The following HEBP1 variants were observed in gnomAD, a reference collection of about 807,000 sequenced individuals.
HEBP1 encodes the protein heme binding protein 1.
HEBP1 carries 13 observed loss-of-function variants against 20.4 expected under a neutral mutation model. The ratio of observed to expected loss-of-function variants is 0.64; its 90% CI spans 0.42 to 1.01. The LOEUF (loss-of-function observed/expected upper bound fraction) is 1.01. Ranked by LOEUF, HEBP1 falls within the 50% of genes least tolerant of loss-of-function variation. The pLI is 0.00. For missense variants in HEBP1, 241 were observed against 247.3 expected (o/e 0.97, Z 0.17); for synonymous variants, 92 against 90.7 (o/e 1.01, Z -0.08).
intron 3 of HEBP1, chr12:12,983,779 G>C (rs915279264): frequency 4.4e-6 from 2 of 455,934 alleles, no homozygotes; most frequent in African/African-American, 4.0e-5. Flanking sequence ...TCACCGACCT[G>C]CCTTTGATAG....
chr12:12,999,029 C>CA (rs907792782), intron 1 of HEBP1, among the ~76,000 whole-genome samples: 17 of 152,226 alleles, frequency 1.1e-4, no homozygotes, highest in African/African-American at 4.1e-4. Context: ...CCTGAGGCCC[C>CA]AGCTCAGGAC....
chr12:12,989,758 AAGATAAAGTTAAAC>A (rs1864195325), intron 1 of HEBP1, among the ~76,000 whole-genome samples: 1 of 67,668 alleles, frequency 1.5e-5, no homozygotes, highest in Non-Finnish European at 4.8e-5. Flanking sequence ...AACAGGTTGG[AAGATAAAGTTAAAC>A]AGGAGATTCA....
At chr12:12,992,506 A>C (rs995025667) in intron 1 of HEBP1, among the ~76,000 whole-genome samples, 1 of 152,020 alleles carries the variant, frequency 6.6e-6, no homozygotes, top group African/African-American at 2.4e-5. Context: ...GCCCGGCCTT[A>C]ATATTGTAAT....
rs369136550 is a variant in HEBP1 at position 12,989,046 on chromosome 12, G to T, written c.217+231C>A. ...CCTGGGAGTGAAGCAGGAACTTGGA[G>T]ATATTGAGCAGGGATGCCTTCAAGT... On this transcript the variant is annotated intron_variant, in intron 2 of 3. Coordinates refer to ENST00000014930, the MANE Select transcript of HEBP1 (RefSeq NM_015987.5). 1.4e-4 allele frequency among the ~76,000 whole-genome samples: 22 copies of T among 152,364 alleles called. No individual in the cohort carries two copies. In the South Asian group the frequency reaches 4.3e-3, roughly 30 times the overall value.
intron 2 of HEBP1, among the ~76,000 whole-genome samples, chr12:12,988,808 C>T (rs1329273784): frequency 6.6e-6 from 1 of 152,136 alleles, no homozygotes; most frequent in East Asian, 1.9e-4. Flanking sequence ...CCTTCATTTG[C>T]CAGACAGGGT....
chr12:12,989,494 T>TA, intron 1 of HEBP1, 79 bp from the exon 2 acceptor site: 3 of 1,461,104 alleles, frequency 2.1e-6, no homozygotes, highest in Non-Finnish European at 2.8e-6. Context: ...AACAGAGGGC[T>TA]AAAAAACTTT....
chr12:12,976,077 C>CAAAA (rs56110606), intron 3 of HEBP1, among the ~76,000 whole-genome samples: 4,377 of 85,082 alleles, frequency 0.051, 87 homozygotes, highest in African/African-American at 0.082. Flanking sequence ...GACCCTGTGT[C>CAAAA]AAAAAAAAAA....
chr12:12,979,284 A>T (rs1169494291), intron 3 of HEBP1: 7 of 152,236 alleles, frequency 4.6e-5, no homozygotes, highest in Non-Finnish European at 1.0e-4. Flanking sequence ...GGCAGACTGA[A>T]ATGCTGGTAA....
Position 12,975,079 on chromosome 12 carries a change from A to T in HEBP1, c.*229T>A, listed in dbSNP as rs1863959040. The T allele has an allele frequency of 5.2e-6, 2 of 386,980 alleles. No homozygotes were observed. The highest frequency in any genetic ancestry group is 2.1e-5 in the African/African-American group (1 of 47,306). The allele number at this position is 386,980 out of a possible 1,614,324, so 24.0% of individuals were successfully genotyped here. A position where few individuals can be genotyped will look rare whatever the true frequency, so the allele number is the denominator to read the frequency against. The stretch of plus-strand genomic sequence containing the variant: ...TCTGGTCTATCGCAGAATTTTCTAC[A>T]TCAATGAGAAGGATGCTGCATATCT... On this transcript the variant is annotated 3_prime_UTR_variant, in exon 4 of 4. Coordinates refer to ENST00000014930, the MANE Select transcript of HEBP1 (RefSeq NM_015987.5).
intron 3 of HEBP1, among the ~76,000 whole-genome samples, chr12:12,978,744 G>C (rs577246392): frequency 6.6e-6 from 1 of 152,254 alleles, no homozygotes; most frequent in East Asian, 1.9e-4. Flanking sequence ...TTCCAGTTAA[G>C]CCTCTGGGTA....
At chr12:12,995,167 C>T (rs768826134) in intron 1 of HEBP1, among the ~76,000 whole-genome samples, 4 of 152,202 alleles carry the variant, frequency 2.6e-5, no homozygotes, top group Non-Finnish European at 5.9e-5. Context: ...TAACAGGCTC[C>T]AACCTAAAAG....
chr12:12,998,160 A>G lies in HEBP1; in HGVS notation c.78+1877T>C, dbSNP rs368085025. Among the ~76,000 whole-genome samples, 27 of 151,844 alleles carry G rather than the reference A, an allele frequency of 1.8e-4. No individual in the cohort carries two copies. The highest frequency in any genetic ancestry group is 6.3e-4 in the African/African-American group (26 of 41,320). ...CACTCCCCTGCTTGCTTTTCTTCAC[A>G]GCACTGATCACTATCTGATCCATGA... On this transcript the variant is annotated intron_variant, in intron 1 of 3. Transcript: ENST00000014930. This position sits in a 1 kb window ranked among gnomAD's most constrained non-coding sequence, Gnocchi z 4.2.
At chr12:12,989,195 TC>T in intron 2 of HEBP1, 81 bp downstream of exon 2, 1 of 1,482,564 alleles carries the variant, frequency 6.7e-7, no homozygotes, top group South Asian at 1.2e-5. Context: ...TTGTAGCCCC[TC>T]ACTTGCATTT....
intron 1 of HEBP1, among the ~76,000 whole-genome samples, chr12:12,992,841 A>G (rs1864241503): frequency 6.6e-6 from 1 of 152,234 alleles, no homozygotes; most frequent in African/African-American, 2.4e-5. Flanking sequence ...TGTGAATCAC[A>G]GAAGTTCAGA....
chr12:12,985,010 C>T (rs1393567747), intron 3 of HEBP1, among the ~76,000 whole-genome samples: 2 of 151,670 alleles, frequency 1.3e-5, no homozygotes, highest in Non-Finnish European at 2.9e-5. Context: ...ATATTAGGCA[C>T]AGTGGCAGGT....
intron 3 of HEBP1, among the ~76,000 whole-genome samples, chr12:12,982,258 AG>A (rs766774509): frequency 2.0e-5 from 3 of 152,232 alleles, no homozygotes; most frequent in Non-Finnish European, 4.4e-5. Context: ...TTATAAGTGA[AG>A]CAAAGCAAAA....
At chr12:12,982,687 T>C (rs1291496930) in intron 3 of HEBP1, among the ~76,000 whole-genome samples, 3 of 152,172 alleles carry the variant, frequency 2.0e-5, no homozygotes, top group Non-Finnish European at 4.4e-5. Context: ...TCTTATTTTA[T>C]AGATGAGAAA....
At chr12:12,989,520 C>T in intron 1 of HEBP1, 105 bp from the exon 2 acceptor site, 1 of 1,051,096 alleles carries the variant, frequency 9.5e-7, no homozygotes, top group Non-Finnish European at 1.4e-6. Flanking sequence ...GTGGGTATGG[C>T]CATAGAGCAG....
At chr12:12,983,900 A>G in intron 3 of HEBP1, 1 of 389,504 alleles carries the variant, frequency 2.6e-6, no homozygotes, top group Non-Finnish European at 5.1e-6. Context: ...TCATTATACC[A>G]GCAAGCCAGG....
Sources: gnomAD v4.1 joint callset for allele counts (sites outside exome capture counted in the v4.1 genomes callset) on GRCh38, gnomAD v4.1.1 for gene constraint, Gnocchi (gnomAD v3.1) non-coding constraint, MANE v1.5 for transcripts, NCBI Gene and HGNC (gene_info 2026-07-23, HGNC 2026-07-21) for gene names.